The following PIWIL2 variants were observed in gnomAD, a reference collection of about 807,000 sequenced individuals.
PIWIL2 encodes piwi like RNA-mediated gene silencing 2.
In PIWIL2, 81 loss-of-function variants were observed where a neutral mutation model predicts 116.5. The observed-to-expected ratio is 0.70, with a 90% CI of 0.58 to 0.84. PIWIL2 has a LOEUF of 0.84. PIWIL2 is among the 40% of genes least tolerant of loss of function. The pLI, the probability that PIWIL2 is intolerant of heterozygous loss-of-function variation, is 0.00. For synonymous variants in PIWIL2, 489 were observed against 429.5 expected, an observed-to-expected ratio of 1.14 and a Z score of -1.71; for missense variants, 1,272 against 1,212.3, an observed-to-expected ratio of 1.05 and a Z score of -0.73.
At position 22,287,531 on chromosome 8, in the gene PIWIL2, C is replaced by T. The variant is rs1830656109; in HGVS notation, c.747C>T (p.Pro249=). 2 of 1,602,952 alleles carry T rather than the reference C, an allele frequency of 1.2e-6. No individual in the cohort carries two copies. The highest frequency in any genetic ancestry group is 1.7e-6 in the Non-Finnish European group (2 of 1,169,800). Residue 249 remains proline (P), a synonymous_variant, in exon 7 of 23, where the codon CCC becomes CCT. Coordinates refer to ENST00000356766, the MANE Select transcript of PIWIL2 (RefSeq NM_018068.5). ...AVYQYHVTFS[P]NVECKSMRFG... ...AATCCTCTTCATTATTTTCCAGCCCCAATGTGGAGTGCAAAAGCATGAGGT... is the reference window on the plus strand; with the variant it reads ...AATCCTCTTCATTATTTTCCAGCCCTAATGTGGAGTGCAAAAGCATGAGGT...
rs79521431 is a variant in PIWIL2 at position 22,323,815 on chromosome 8, A to T, written c.2403+5540A>T. Among the ~76,000 whole-genome samples the T allele has an allele frequency of 4.6e-5, 7 of 152,314 alleles. No individual in the cohort carries two copies. The East Asian group carries it at 1.3e-3, about 29-fold the overall frequency. ...TTAAAGTGTCTCCCAGATATGTGCC[A>T]CTTAGGTTTGCAGGCTTCCATTCTA... On this transcript the variant is annotated intron_variant, in intron 20 of 22. Transcript: ENST00000356766.
intron 20 of PIWIL2, among the ~76,000 whole-genome samples, chr8:22,344,957 G>T (rs1832191673): frequency 6.6e-6 from 1 of 152,194 alleles, no homozygotes; most frequent in African/African-American, 2.4e-5. Context: ...TTCATAGATT[G>T]CTAATGGGAT....
chr8:22,276,505 G>A (rs1281467861), intron 1 of PIWIL2, among the ~76,000 whole-genome samples: 1 of 152,104 alleles, frequency 6.6e-6, no homozygotes, highest in Admixed American at 6.6e-5. Flanking sequence ...TAGTAGAGAT[G>A]AGGGTTCACC....
rs146548844 is a variant in PIWIL2, at chr8:22,350,303, A to C, written c.2404-2656A>C. ...TGGAAAGCCAAAAAAAATTTTTTTA[A>C]GGGTACTACAGGCCAGGTATGGTAT... On this transcript the variant is annotated intron_variant, in intron 20 of 22. Coordinates refer to ENST00000356766, the MANE Select transcript of PIWIL2 (RefSeq NM_018068.5). Among the ~76,000 whole-genome samples the C allele has an allele frequency of 5.5e-3, 837 of 152,280 alleles. 6 individuals are homozygous for C. The highest frequency in any genetic ancestry group is 0.01 in the Middle Eastern group (3 of 294).
intron 4 of PIWIL2, 48 bp from the exon 5 acceptor site, chr8:22,282,986 C>T: frequency 7.3e-7 from 1 of 1,372,866 alleles, no homozygotes; most frequent in Non-Finnish European, 1.0e-6. Flanking sequence ...CTGGATGGGA[C>T]ATAGCTATTA....
intron 8 of PIWIL2, among the ~76,000 whole-genome samples, chr8:22,289,404 G>A (rs1037866594): frequency 2.6e-5 from 4 of 152,156 alleles, no homozygotes; most frequent in African/African-American, 9.7e-5. Flanking sequence ...GTCCACCTCA[G>A]CCTCCCAAAG....
At chr8:22,336,966 GAAC>G (rs976338840) in intron 20 of PIWIL2, among the ~76,000 whole-genome samples, 3 of 152,122 alleles carry the variant, frequency 2.0e-5, no homozygotes, top group African/African-American at 7.2e-5. Context: ...AGAATAATGT[GAAC>G]AACTATGTAC....
At chr8:22,312,239 T>C (rs1044811810) in intron 16 of PIWIL2, among the ~76,000 whole-genome samples, 1 of 147,304 alleles carries the variant, frequency 6.8e-6, no homozygotes, top group Non-Finnish European at 1.5e-5. Flanking sequence ...TACTCCAACC[T>C]GGGCAACAGA....
rs760350472 is a variant in PIWIL2, at chr8:22,283,131, A to G, written c.523A>G (p.Ser175Gly). 2 of 1,614,172 alleles carry G rather than the reference A, an allele frequency of 1.2e-6. No individual in the cohort carries two copies. The highest frequency in any genetic ancestry group is 1.7e-5 in the Admixed American group (1 of 60,020). ...AGTGGACAAGCCTCCCTGTACCTTC[A>G]GCACACCGTCCCGGGGTCCCCCGCA... ...REVDKPPCTF[S>G]TPSRGPPQLS... Residue 175 changes from serine to glycine, a missense_variant, in exon 5 of 23, where the codon AGC (serine) becomes GGC (glycine). By Grantham distance (56) the Ser-to-Gly change is moderately conservative. Transcript: ENST00000356766.
At chr8:22,301,895 C>CA (rs776079049) in intron 10 of PIWIL2, among the ~76,000 whole-genome samples, 1 of 152,014 alleles carries the variant, frequency 6.6e-6, no homozygotes, top group Non-Finnish European at 1.5e-5. Flanking sequence ...TTTACCTTGA[C>CA]ACCTTTGTCA....
chr8:22,306,786 G>C (rs1831192426), intron 13 of PIWIL2, among the ~76,000 whole-genome samples: 1 of 152,100 alleles, frequency 6.6e-6, no homozygotes, highest in Admixed American at 6.5e-5. Context: ...CACCTACCTT[G>C]TAGGTCAAGG....
intron 10 of PIWIL2, among the ~76,000 whole-genome samples, chr8:22,302,334 C>G (rs1229978331): frequency 6.6e-6 from 1 of 151,770 alleles, no homozygotes; most frequent in African/African-American, 2.4e-5. Context: ...GGCGCGCACC[C>G]CCACGCCCAG....
At position 22,305,995 on chromosome 8, in the gene PIWIL2, G is replaced by T. The variant is rs778036913; in HGVS notation, c.1524G>T (p.Lys508Asn). 6.2e-7 allele frequency: 1 copy of T among 1,613,774 alleles called. No homozygotes were observed. Among genetic ancestry groups the T allele is most frequent in the Non-Finnish European group, 8.5e-7 (1 of 1,179,688 alleles). ...TGACCGGAATCCCAGAGAAGATGAA[G>T]AAGGACTTCAGAGCCATGAAGGTTG... Reference protein sequence around the residue: ...SFMTGIPEKMKKDFRAMKDLA... With the variant: ...SFMTGIPEKMNKDFRAMKDLA... The change falls in exon 13 of 23, where the codon AAG (lysine) becomes AAT (asparagine). Residue 508 changes from lysine to asparagine, a missense_variant. By Grantham distance (94) the Lys-to-Asn change is moderately conservative. Coordinates refer to ENST00000356766, the MANE Select transcript of PIWIL2 (RefSeq NM_018068.5).
chr8:22,347,139 C>T (rs2132105448), intron 20 of PIWIL2, among the ~76,000 whole-genome samples: 1 of 149,230 alleles, frequency 6.7e-6, no homozygotes, highest in East Asian at 2.0e-4. Context: ...CATTTTACTC[C>T]AGCCTGGGCA....
chr8:22,276,597 A>AGCC (rs1357780185), intron 1 of PIWIL2, among the ~76,000 whole-genome samples: 1 of 152,076 alleles, frequency 6.6e-6, no homozygotes, highest in Non-Finnish European at 1.5e-5. Context: ...TACAGGCGCG[A>AGCC]GCCACCACCC....
chr8:22,297,774 A>C (rs557503160), intron 10 of PIWIL2, among the ~76,000 whole-genome samples: 2 of 152,190 alleles, frequency 1.3e-5, no homozygotes, highest in Non-Finnish European at 2.9e-5. Context: ...GGTTTCACCA[A>C]ATTTTTACAG....
intron 17 of PIWIL2, among the ~76,000 whole-genome samples, 198 bp from the exon 18 acceptor site, chr8:22,314,829 GTA>G (rs1025284074): frequency 2.0e-4 from 30 of 152,026 alleles, no homozygotes; most frequent in East Asian, 1.2e-3. Context: ...TGGTGTGTGT[GTA>G]TGTGTGTGTG....
At chr8:22,353,864 T>G (rs1459367019) in intron 21 of PIWIL2, among the ~76,000 whole-genome samples, 1 of 140,960 alleles carries the variant, frequency 7.1e-6, no homozygotes, top group Non-Finnish European at 1.5e-5. Flanking sequence ...AGCCTCAACC[T>G]GCTTAGGCCC....
At chr8:22,337,166 C>G (rs1282673090) in intron 20 of PIWIL2, among the ~76,000 whole-genome samples, 1 of 151,934 alleles carries the variant, frequency 6.6e-6, no homozygotes, top group Non-Finnish European at 1.5e-5. Flanking sequence ...GATACCAAAG[C>G]CAAACAAAGC....
Sources: gnomAD v4.1 joint callset for allele counts (sites outside exome capture counted in the v4.1 genomes callset) on GRCh38, gnomAD v4.1.1 for gene constraint, MANE v1.5 for transcripts, NCBI Gene and HGNC (gene_info 2026-07-23, HGNC 2026-07-21) for gene names.